The following RAB3GAP2 variants were observed in gnomAD, a reference collection of about 807,000 sequenced individuals.
The protein encoded by RAB3GAP2 is RAB3 GTPase activating non-catalytic protein subunit 2.
A neutral mutation model predicts 185.3 loss-of-function variants in RAB3GAP2; 87 were observed. The ratio of observed to expected loss-of-function variants is 0.47; its 90% CI spans 0.39 to 0.56. RAB3GAP2 has a LOEUF of 0.56. Among genes scored for constraint, RAB3GAP2 ranks in the 20% least tolerant of loss-of-function variants. The pLI is 0.00. For missense variants in RAB3GAP2, 1,492 were observed against 1,638.2 expected (o/e 0.91, Z 1.54); for synonymous variants, 554 against 576.1 (o/e 0.96, Z 0.55).
At chr1:220,194,546 T>C (rs1326849354) in intron 12 of RAB3GAP2, among the ~76,000 whole-genome samples, 1 of 152,076 alleles carries the variant, frequency 6.6e-6, no homozygotes, top group African/African-American at 2.4e-5. Flanking sequence ...GCACATGCCA[T>C]CATGCCTGAC....
At chr1:220,207,890 T>C (rs1027872328) in intron 7 of RAB3GAP2, 1 of 152,198 alleles carries the variant, frequency 6.6e-6, no homozygotes, top group Non-Finnish European at 1.5e-5. Context: ...CTGAAACGAA[T>C]GACCTGCTGT....
intron 1 of RAB3GAP2, among the ~76,000 whole-genome samples, chr1:220,245,590 G>T (rs1255020381): frequency 6.6e-6 from 1 of 152,092 alleles, no homozygotes; most frequent in Non-Finnish European, 1.5e-5. Context: ...GAGGCTGGGG[G>T]AGGGGCGCCC....
chr1:220,212,990 A>T (rs369114296), intron 3 of RAB3GAP2, 22 bp from the exon 4 acceptor site: 2 of 1,557,320 alleles, frequency 1.3e-6, no homozygotes, highest in African/African-American at 2.8e-5. Context: ...AAGATATCAT[A>T]TAAAATAATT....
chr1:220,163,232 T>C (rs1234603114), intron 27 of RAB3GAP2, among the ~76,000 whole-genome samples: 6 of 152,188 alleles, frequency 3.9e-5, no homozygotes, highest in Non-Finnish European at 8.8e-5. Context: ...TTACTACCCT[T>C]GTAGCTGAGT....
At chr1:220,251,877 G>A (rs368483816) in intron 1 of RAB3GAP2, among the ~76,000 whole-genome samples, 169 of 152,254 alleles carry the variant, frequency 1.1e-3, no homozygotes, top group African/African-American at 3.8e-3. Flanking sequence ...TATAGACTGG[G>A]TGCGGTGGCT....
intron 1 of RAB3GAP2, chr1:220,271,156 C>T (rs1016623830): frequency 1.3e-5 from 2 of 152,198 alleles, no homozygotes; most frequent in Admixed American, 6.5e-5. Context: ...GGTCCACCAA[C>T]CTTATTTGGT....
At chr1:220,198,338 C>A (rs1658768573) in intron 9 of RAB3GAP2, among the ~76,000 whole-genome samples, 1 of 152,180 alleles carries the variant, frequency 6.6e-6, no homozygotes, top group African/African-American at 2.4e-5. Context: ...ATCCTTCTGA[C>A]CTCCTCAACC....
At chr1:220,152,632 G>C (rs191954492) in intron 33 of RAB3GAP2, among the ~76,000 whole-genome samples, 1 of 152,104 alleles carries the variant, frequency 6.6e-6, no homozygotes, top group Non-Finnish European at 1.5e-5. Flanking sequence ...TTGGGGGCTC[G>C]GTTCAAATGT....
At position 220,248,899 on chromosome 1, in the gene RAB3GAP2, TGAA is replaced by T. The variant is rs552264421; in HGVS notation, c.116-16039_116-16037del. Among the ~76,000 whole-genome samples, 17 of 152,328 alleles carry T rather than the reference TGAA, an allele frequency of 1.1e-4. No homozygotes were observed. In the South Asian group the frequency reaches 3.5e-3, roughly 32 times the overall value. ...ACTCATTCTCCTTCCTGCCACCATG[TGAA>T]GAAGGACATGTTTGCTTCCCCTTCT... On this transcript the variant is annotated intron_variant, in intron 1 of 34. Coordinates refer to ENST00000358951, the MANE Select transcript of RAB3GAP2 (RefSeq NM_012414.4).
intron 26 of RAB3GAP2, among the ~76,000 whole-genome samples, chr1:220,165,137 A>C (rs1658040756): frequency 6.7e-6 from 1 of 150,194 alleles, no homozygotes; most frequent in African/African-American, 2.5e-5. Context: ...TTTTGTAGAT[A>C]CTATTCATTC....
At chr1:220,189,492 T>G (rs2102868746) in intron 17 of RAB3GAP2, among the ~76,000 whole-genome samples, 1 of 149,668 alleles carries the variant, frequency 6.7e-6, no homozygotes, top group East Asian at 2.0e-4. Context: ...GTGCTAGGAT[T>G]ACAGTTACAG....
chr1:220,248,389 T>C (rs1337181404), intron 1 of RAB3GAP2, among the ~76,000 whole-genome samples: 1 of 152,130 alleles, frequency 6.6e-6, no homozygotes, highest in Non-Finnish European at 1.5e-5. Flanking sequence ...AAAAATTAAC[T>C]ATGTAAGGTG....
intron 8 of RAB3GAP2, among the ~76,000 whole-genome samples, chr1:220,204,549 A>G (rs114901729): frequency 0.069 from 10,477 of 152,140 alleles, 481 homozygotes; most frequent in South Asian, 0.12. Context: ...CTCAATCCCA[A>G]AAGAAAAGGG....
intron 1 of RAB3GAP2, chr1:220,267,236 A>C: frequency 2.2e-6 from 2 of 920,086 alleles, no homozygotes; most frequent in Non-Finnish European, 3.7e-6. Context: ...TGCTCATCAA[A>C]CTTTGAAAGT....
At chr1:220,266,384 C>A (rs2102536742) in intron 1 of RAB3GAP2, 1 of 424,434 alleles carries the variant, frequency 2.4e-6, no homozygotes, top group South Asian at 2.2e-5. Context: ...TTCCCCATAG[C>A]CAGACTCTGG....
At chr1:220,245,687 G>A (rs1659797840) in intron 1 of RAB3GAP2, among the ~76,000 whole-genome samples, 1 of 151,918 alleles carries the variant, frequency 6.6e-6, no homozygotes, top group South Asian at 2.1e-4. Flanking sequence ...AGGCCTGCCT[G>A]CCTCTGTAGG....
At chr1:220,263,377 T>C (rs1217878297) in intron 1 of RAB3GAP2, among the ~76,000 whole-genome samples, 1 of 152,138 alleles carries the variant, frequency 6.6e-6, no homozygotes, top group Non-Finnish European at 1.5e-5. Context: ...GCAAGTCCAA[T>C]GTCATGAAGC....
At chr1:220,218,229 T>G (rs1205495537) in intron 2 of RAB3GAP2, among the ~76,000 whole-genome samples, 4 of 152,170 alleles carry the variant, frequency 2.6e-5, no homozygotes, top group Non-Finnish European at 5.9e-5. Context: ...TTACTGCAGT[T>G]TATTTTCTAT....
Position 220,232,859 on chromosome 1 carries a change from T to C in RAB3GAP2, c.120A>G (p.Lys40=), listed in dbSNP as rs762439472. The C allele has an allele frequency of 2.5e-6, 4 of 1,613,544 alleles. No homozygotes were observed. In the Admixed American group the frequency reaches 5.0e-5, roughly 20 times the overall value. ...AACCATCATCTTCCCAGTCTGTTGATTTACCTGTTTTTAAAAAGATGAACA... is the reference window on the plus strand; with the variant it reads ...AACCATCATCTTCCCAGTCTGTTGACTTACCTGTTTTTAAAAAGATGAACA... ...LSGALRRDPS[K]STDWEDDGWG... Residue 40 remains lysine, a synonymous_variant, in exon 2 of 35, where the codon AAA becomes AAG. Coordinates refer to ENST00000358951, the MANE Select transcript of RAB3GAP2 (RefSeq NM_012414.4).
Sources: allele counts gnomAD v4.1 joint callset (sites outside exome capture counted in the v4.1 genomes callset), GRCh38; gene constraint gnomAD v4.1.1; transcripts MANE v1.5; gene names NCBI Gene and HGNC (gene_info 2026-07-23, HGNC 2026-07-21).